The following POLR2F variants were observed in gnomAD, a reference collection of about 807,000 sequenced individuals.
POLR2F encodes RNA polymerase II, I and III subunit F.
A neutral mutation model predicts 22.7 loss-of-function variants in POLR2F; 12 were observed. The ratio of observed to expected loss-of-function variants is 0.53; its 90% CI spans 0.34 to 0.86. POLR2F has a LOEUF of 0.86. Ranked by LOEUF, POLR2F falls within the 40% of genes least tolerant of loss-of-function variation. The probability of loss-of-function intolerance (pLI) is 0.02; values close to 1 mark genes in which losing one functional copy is unlikely to be tolerated. For missense variants in POLR2F, 126 were observed against 171.5 expected (o/e 0.73, Z 1.48); for synonymous variants, 57 against 66.0 (o/e 0.86, Z 0.66).
chr22:38,036,455 A>G (rs547831427), intron 5 of POLR2F, among the ~76,000 whole-genome samples: 1 of 151,458 alleles, frequency 6.6e-6, no homozygotes, highest in Admixed American at 6.6e-5. Flanking sequence ...AGCCCCCATT[A>G]GTGAACCGCC....
At chr22:38,013,836 CT>C (rs1383466425) in intron 1 of POLR2F, among the ~76,000 whole-genome samples, 1 of 152,150 alleles carries the variant, frequency 6.6e-6, no homozygotes, top group African/African-American at 2.4e-5. Flanking sequence ...ATATAATTGA[CT>C]TGTGGCCAGG....
At chr22:37,972,733 T>C (rs1239966548), downstream of POLR2F, 3 of 157,154 alleles carry the variant, frequency 1.9e-5, no homozygotes, top group African/African-American at 4.8e-5. Context: ...GCTCTGTGAA[T>C]TGTCTCTGAT....
intron 1 of POLR2F, among the ~76,000 whole-genome samples, chr22:38,014,370 G>A (rs922672331): frequency 6.9e-6 from 1 of 145,688 alleles, no homozygotes; most frequent in Non-Finnish European, 1.5e-5. Flanking sequence ...TTTTTTTTGA[G>A]ACAGAGTCTC....
rs1489664283 is a variant in POLR2F at position 37,967,613 on chromosome 22, C to T, written c.294-12C>T. The T allele has an allele frequency of 1.9e-6, 3 of 1,613,500 alleles. No individual in the cohort carries two copies. Among genetic ancestry groups the T allele is most frequent in the Middle Eastern group, 1.7e-4 (1 of 6,060 alleles). On this transcript the variant is annotated splice_polypyrimidine_tract_variant and intron_variant, in intron 4 of 4. Coordinates refer to ENST00000442738, the MANE Select transcript of POLR2F (RefSeq NM_021974.5). Reference sequence around the variant, plus strand: ...CAGCCCTCATGTACTTGTGACTTCTCCCCTGCCACAGGGCCCGAAAGATCC... The same window carrying T: ...CAGCCCTCATGTACTTGTGACTTCTTCCCTGCCACAGGGCCCGAAAGATCC...
rs1200815028 is a variant in POLR2F at position 37,978,087 on chromosome 22, C to T, written c.293+10917C>T. On this transcript the variant is annotated intron_variant, in intron 4 of 4. Coordinates refer to the POLR2F transcript ENST00000405557. This position sits in a 1 kb window ranked among gnomAD's most constrained non-coding sequence, Gnocchi z 5.0. ...GGTCTTTCTTGTGCTGCATACGGAGCCGCTCAGCCTCCTCGATGAAGGGGC... is the reference window on the plus strand; with the variant it reads ...GGTCTTTCTTGTGCTGCATACGGAGTCGCTCAGCCTCCTCGATGAAGGGGC... 1 of 1,599,066 alleles carries T rather than the reference C, an allele frequency of 6.3e-7. No individual in the cohort carries two copies. Among genetic ancestry groups the T allele is most frequent in the Non-Finnish European group, 8.5e-7 (1 of 1,172,042 alleles).
At chr22:37,971,221 G>A (rs1260695723), downstream of POLR2F, 2 of 470,970 alleles carry the variant, frequency 4.2e-6, no homozygotes, top group Non-Finnish European at 8.8e-6. Context: ...AAAAATGCAA[G>A]CCTTGGAGTC....
intron 5 of POLR2F, among the ~76,000 whole-genome samples, chr22:38,038,064 A>C (rs1298475351): frequency 6.7e-6 from 1 of 149,906 alleles, no homozygotes; most frequent in Non-Finnish European, 1.5e-5. Context: ...GCCTATTATC[A>C]GATGGCCTCT....
At chr22:38,026,584 C>G in exon 3 of POLR2F, 1 of 304,228 alleles carries the variant, frequency 3.3e-6, no homozygotes. Context: ...CCCAAAGCCG[C>G]CCCCTCCCCC....
At chr22:38,013,842 G>A (rs1261961334) in intron 1 of POLR2F, among the ~76,000 whole-genome samples, 20 of 152,126 alleles carry the variant, frequency 1.3e-4, no homozygotes, top group African/African-American at 4.6e-4. Flanking sequence ...TTGACTTGTG[G>A]CCAGGCGCGG....
intron 3 of POLR2F, among the ~76,000 whole-genome samples, chr22:37,965,973 A>C (rs1223015626): frequency 1.3e-5 from 2 of 152,134 alleles, no homozygotes; most frequent in Non-Finnish European, 2.9e-5. Context: ...TAGAGTCCCC[A>C]CTGTGGGCCA....
At chr22:37,955,226 T>G (rs1931331796) in intron 1 of POLR2F, among the ~76,000 whole-genome samples, 2 of 141,022 alleles carry the variant, frequency 1.4e-5, no homozygotes, top group Non-Finnish European at 1.5e-5. Context: ...TTTTTTTAGA[T>G]GAGGAAAAGC....
intron 4 of POLR2F, among the ~76,000 whole-genome samples, chr22:37,975,635 G>A (rs1460209983): frequency 6.6e-6 from 1 of 152,194 alleles, no homozygotes; most frequent in Non-Finnish European, 1.5e-5. Flanking sequence ...TCAGACCAGA[G>A]GCAGCGCCAA....
At chr22:37,961,816 G>GGGAAGCATGA (rs1931652998) in intron 3 of POLR2F, among the ~76,000 whole-genome samples, 1 of 151,316 alleles carries the variant, frequency 6.6e-6, no homozygotes, top group South Asian at 2.1e-4. Context: ...ATGGTACTGT[G>GGGAAGCATGA]GGGAAGCATG....
chr22:37,963,643 A>G (rs1393647649), intron 3 of POLR2F, among the ~76,000 whole-genome samples: 1 of 152,222 alleles, frequency 6.6e-6, no homozygotes, highest in Non-Finnish European at 1.5e-5. Context: ...GTCATTGCAG[A>G]GCATTCTATG....
rs1023661736 is a variant in POLR2F at position 37,997,183 on chromosome 22, G to A, written c.120+10871G>A. Among the ~76,000 whole-genome samples the A allele has an allele frequency of 2.6e-5, 4 of 152,080 alleles. No homozygotes were observed. Among genetic ancestry groups the A allele is most frequent in the Non-Finnish European group, 5.9e-5 (4 of 67,992 alleles). ...TGGGAGGGCCCTGAGCTTCCCAGCC[G>A]GAGTCTCCCCTCCATCCCCTCCTCT... On this transcript the variant is annotated intron_variant, in intron 1 of 2. Coordinates refer to the POLR2F transcript ENST00000333418. This position sits in a 1 kb window ranked among gnomAD's most constrained non-coding sequence, Gnocchi z 4.4.
rs1361821921 is a variant in POLR2F at position 37,974,528 on chromosome 22, T to C, written c.293+7358T>C. On this transcript the variant is annotated intron_variant, in intron 4 of 4. Transcript: ENST00000405557. This position sits in a 1 kb window ranked among gnomAD's most constrained non-coding sequence, Gnocchi z 5.4. ...CCACAATGCCCAGCTAATTTGTGTA[T>C]TTTTAGTAGAGACGGGGTTTCACCA... Among the ~76,000 whole-genome samples the C allele has an allele frequency of 3.3e-5, 5 of 152,150 alleles. No individual in the cohort carries two copies. The South Asian group carries it at 8.3e-4, about 25-fold the overall frequency.
chr22:37,972,096 GA>G, downstream of POLR2F: 3 of 326,340 alleles, frequency 9.2e-6, no homozygotes, highest in South Asian at 2.2e-5. Flanking sequence ...GGAGGGGGGA[GA>G]GAGAGAGAGA....
chr22:37,985,011 C>T (rs1014073164), upstream of POLR2F: 4 of 152,616 alleles, frequency 2.6e-5, no homozygotes, highest in African/African-American at 7.2e-5. Flanking sequence ...GTGCCAGGCA[C>T]TGATGCCCAG....
At chr22:37,993,949 A>C (rs1391737261) in intron 1 of POLR2F, among the ~76,000 whole-genome samples, 1 of 152,240 alleles carries the variant, frequency 6.6e-6, no homozygotes, top group Non-Finnish European at 1.5e-5. Context: ...AGATCGCGCC[A>C]CTGCACTCCA....
Sources: allele counts gnomAD v4.1 joint callset (sites outside exome capture counted in the v4.1 genomes callset), GRCh38; gene constraint gnomAD v4.1.1; non-coding constraint Gnocchi (gnomAD v3.1); transcripts MANE v1.5; gene names NCBI Gene and HGNC (gene_info 2026-07-23, HGNC 2026-07-21).